The following CSNK1A1 variants were observed in gnomAD, a reference collection of about 807,000 sequenced individuals.
CSNK1A1 encodes the protein casein kinase I isoform alpha.
In CSNK1A1, 7 loss-of-function variants were observed where a neutral mutation model predicts 46.1. That is an observed-to-expected ratio of 0.15 (90% confidence interval 0.09 to 0.29). CSNK1A1 has a LOEUF of 0.29. Ranked by LOEUF, CSNK1A1 falls within the 10% of genes least tolerant of loss-of-function variation. The probability of loss-of-function intolerance (pLI) is 1.00; values close to 1 mark genes in which losing one functional copy is unlikely to be tolerated. For missense variants in CSNK1A1, 96 were observed against 417.1 expected, an observed-to-expected ratio of 0.23 and a Z score of 6.71; for synonymous variants, 137 against 141.5, an observed-to-expected ratio of 0.97 and a Z score of 0.23.
rs573571312 is a variant in CSNK1A1 at position 149,493,910 on chromosome 5, A to C, written c.*2943T>G. On this transcript the variant is annotated 3_prime_UTR_variant, in exon 10 of 10. Coordinates refer to ENST00000377843, the MANE Select transcript of CSNK1A1 (RefSeq NM_001892.6). ...ATAATGCTTTATACCAGTTTGAGTC[A>C]GAACCAGACTGTTCCAGACTAGTTG... 1.3e-5 allele frequency: 2 copies of C among 152,232 alleles called. No individual in the cohort carries two copies. Among genetic ancestry groups the C allele is most frequent in the Non-Finnish European group, 2.9e-5 (2 of 68,038 alleles). The allele number at this position is 152,232 out of a possible 1,614,324, so 9.4% of individuals were successfully genotyped here.
intron 2 of CSNK1A1, among the ~76,000 whole-genome samples, chr5:149,535,641 GTTTC>G (rs753074224): frequency 6.6e-5 from 10 of 151,812 alleles, no homozygotes; most frequent in Non-Finnish European, 1.3e-4. Context: ...CTTTTTGTTT[GTTTC>G]TTTGTTTTTG....
At position 149,550,806 on chromosome 5, in the gene CSNK1A1, CGCA is replaced by C; in HGVS notation, c.123+33_123+35del. On this transcript the variant is annotated intron_variant, in intron 1 of 9. Transcript: ENST00000377843. The surrounding 1 kb of genome is among the most constrained non-coding windows in gnomAD (Gnocchi z 4.3). ...TGGTGGTGGGGGGAATGAGTAAAAG[CGCA>C]GCGTTATCGTGAACCCCACCCCAGA... The C allele has an allele frequency of 6.2e-7, 1 of 1,613,278 alleles. No homozygotes were observed. Among genetic ancestry groups the C allele is most frequent in the East Asian group, 2.2e-5 (1 of 44,856 alleles).
rs768010634 is a variant in CSNK1A1, at chr5:149,525,983, T to C, written c.231-812A>G. Among the ~76,000 whole-genome samples the C allele has an allele frequency of 3.9e-5, 6 of 152,232 alleles. No homozygotes were observed. Among genetic ancestry groups the C allele is most frequent in the Non-Finnish European group, 8.8e-5 (6 of 68,046 alleles). On this transcript the variant is annotated intron_variant, in intron 2 of 9. Transcript: ENST00000377843. The surrounding 1 kb of genome is among the most constrained non-coding windows in gnomAD (Gnocchi z 4.2). ...ACTTAAAATTTTGTTTAAAAAGTTA[T>C]TTTAAAGCTTAAACTGCAGTCATTT...
At position 149,493,896 on chromosome 5, in the gene CSNK1A1, TACCAGTTTGAGTCAGA is replaced by T. The variant is rs1323899099; in HGVS notation, c.*2941_*2956del. 1 of 152,166 alleles carries T rather than the reference TACCAGTTTGAGTCAGA, an allele frequency of 6.6e-6. No homozygotes were observed. The highest frequency in any genetic ancestry group is 1.5e-5 in the Non-Finnish European group (1 of 68,020). The allele number at this position is 152,166 out of a possible 1,614,324, so 9.4% of individuals were successfully genotyped here. ...AGAGAAAACCTAAAATAATGCTTTA[TACCAGTTTGAGTCAGA>T]ACCAGACTGTTCCAGACTAGTTGGA... On this transcript the variant is annotated 3_prime_UTR_variant, in exon 10 of 10. Coordinates refer to ENST00000377843, the MANE Select transcript of CSNK1A1 (RefSeq NM_001892.6).
chr5:149,509,670 C>G (rs1309324701), intron 7 of CSNK1A1, among the ~76,000 whole-genome samples: 1 of 151,998 alleles, frequency 6.6e-6, no homozygotes, highest in East Asian at 1.9e-4. Flanking sequence ...TTCTAAAGTG[C>G]TGGGATTGCA....
At chr5:149,544,758 T>TATATATATATATACACAC (rs150989849) in intron 2 of CSNK1A1, among the ~76,000 whole-genome samples, 1 of 129,284 alleles carries the variant, frequency 7.7e-6, no homozygotes, top group African/African-American at 3.2e-5. Context: ...TATATATATA[T>TATATATATATATACACAC]ATATATAGTT....
At chr5:149,541,368 G>A (rs1281463188) in intron 2 of CSNK1A1, among the ~76,000 whole-genome samples, 1 of 151,890 alleles carries the variant, frequency 6.6e-6, no homozygotes, top group Non-Finnish European at 1.5e-5. Context: ...GGCCAGGCTG[G>A]TGTCAAACTC....
At chr5:149,511,771 C>G in intron 6 of CSNK1A1, 23 bp downstream of exon 6, 1 of 1,502,570 alleles carries the variant, frequency 6.7e-7, no homozygotes, top group South Asian at 1.2e-5. Flanking sequence ...AGAGAAAAAT[C>G]TGATAATGTG....
chr5:149,551,128 C>A lies in CSNK1A1; in HGVS notation c.-164G>T. 1.5e-6 allele frequency: 1 copy of A among 651,948 alleles called. No individual in the cohort carries two copies. Among genetic ancestry groups the A allele is most frequent in the Non-Finnish European group, 2.6e-6 (1 of 385,968 alleles). The allele number at this position is 651,948 out of a possible 1,614,324, so 40.4% of individuals were successfully genotyped here. A position where few individuals can be genotyped will look rare whatever the true frequency, so the allele number is the denominator to read the frequency against. On this transcript the variant is annotated 5_prime_UTR_variant, in exon 1 of 10. Coordinates refer to ENST00000377843, the MANE Select transcript of CSNK1A1 (RefSeq NM_001892.6). ...GGGGCCCAGAATCAGCAGAGGGGAA[C>A]CTGATCACCGCCGCTCAGTCAGGTT...
intron 2 of CSNK1A1, among the ~76,000 whole-genome samples, chr5:149,531,775 G>A (rs76725837): frequency 6.0e-5 from 9 of 150,494 alleles, no homozygotes; most frequent in Admixed American, 4.6e-4. Flanking sequence ...GGAGGCAGAC[G>A]CTGCAGTGGG....
chr5:149,539,998 T>C (rs1041723284), intron 2 of CSNK1A1, among the ~76,000 whole-genome samples: 16 of 152,244 alleles, frequency 1.1e-4, no homozygotes, highest in Admixed American at 9.8e-4. Flanking sequence ...ATTCAACCAA[T>C]TATTCCCTTA....
chr5:149,534,482 C>CAAAAAAAAAAAAAAAAAAAA (rs10597922), intron 2 of CSNK1A1, among the ~76,000 whole-genome samples: 3 of 94,980 alleles, frequency 3.2e-5, no homozygotes, highest in African/African-American at 1.3e-4. Context: ...GACTCTGTCT[C>CAAAAAAAAAAAAAAAAAAAA]AAAAAAAAAA....
At chr5:149,503,317 T>C (rs1203124983) in intron 9 of CSNK1A1, 7 of 985,282 alleles carry the variant, frequency 7.1e-6, no homozygotes, top group African/African-American at 5.2e-5. Context: ...GAGAGTTTCA[T>C]GTAAGATTTG....
chr5:149,506,867 A>C (rs949420632), intron 8 of CSNK1A1, among the ~76,000 whole-genome samples, 160 bp downstream of exon 8: 2 of 152,252 alleles, frequency 1.3e-5, no homozygotes, highest in African/African-American at 4.8e-5. Flanking sequence ...CTACAAATAG[A>C]AAAATGCCAA....
At chr5:149,501,402 GC>G (rs1208037277) in intron 9 of CSNK1A1, 84 of 985,450 alleles carry the variant, frequency 8.5e-5, no homozygotes, top group Non-Finnish European at 1.0e-4. Flanking sequence ...ATGTGGGTGT[GC>G]TGCTGAGTGA....
chr5:149,542,980 C>T (rs1265944707), intron 2 of CSNK1A1, among the ~76,000 whole-genome samples: 1 of 151,768 alleles, frequency 6.6e-6, no homozygotes, highest in African/African-American at 2.4e-5. Context: ...CAGGTGTGAA[C>T]CACTGCGCCT....
chr5:149,520,773 C>A (rs1561760501), intron 3 of CSNK1A1, among the ~76,000 whole-genome samples: 1 of 152,232 alleles, frequency 6.6e-6, no homozygotes, highest in East Asian at 1.9e-4. Context: ...GTTAAAATGG[C>A]CTTGTATTAC....
intron 6 of CSNK1A1, among the ~76,000 whole-genome samples, chr5:149,510,584 T>C (rs1051014524): frequency 2.6e-5 from 4 of 152,018 alleles, no homozygotes; most frequent in African/African-American, 9.7e-5. Flanking sequence ...CTCAAAGCAA[T>C]CCTCCCGGCT....
chr5:149,499,970 T>TC (rs1249907571), intron 9 of CSNK1A1, among the ~76,000 whole-genome samples: 4 of 79,650 alleles, frequency 5.0e-5, no homozygotes, highest in South Asian at 5.6e-4. Context: ...TTTTTTTCTT[T>TC]TTTTTTTTTT....
Sources: gnomAD v4.1 joint callset for allele counts (sites outside exome capture counted in the v4.1 genomes callset) on GRCh38, gnomAD v4.1.1 for gene constraint, Gnocchi (gnomAD v3.1) non-coding constraint, MANE v1.5 for transcripts, NCBI Gene and HGNC (gene_info 2026-07-23, HGNC 2026-07-21) for gene names.